VTI1B: variants seen among roughly 807,000 people sequenced by gnomAD.
VTI1B encodes the protein vesicle transport through interaction with t-SNAREs 1B.
In VTI1B, 18 loss-of-function variants were observed where a neutral mutation model predicts 28.6. The observed-to-expected ratio is 0.63, with a 90% CI of 0.43 to 0.93. VTI1B has a LOEUF of 0.93. VTI1B is among the 40% of genes least tolerant of loss of function. The pLI is 0.00. For missense variants in VTI1B, 283 were observed against 297.0 expected (o/e 0.95, Z 0.35); for synonymous variants, 100 against 107.9 (o/e 0.93, Z 0.46).
chr14:67,670,781 C>A (rs565593237), intron 1 of VTI1B, among the ~76,000 whole-genome samples: 6 of 152,230 alleles, frequency 3.9e-5, no homozygotes, highest in African/African-American at 1.4e-4. Context: ...CCGCCTAGGC[C>A]TCCCAAAGTG....
At chr14:67,661,865 C>T (rs1409975710) in intron 2 of VTI1B, among the ~76,000 whole-genome samples, 1 of 152,132 alleles carries the variant, frequency 6.6e-6, no homozygotes, top group Non-Finnish European at 1.5e-5. Context: ...CTCTTAAAAA[C>T]AGATTTTAGG....
In VTI1B at chr14:67,674,562, C is replaced by G; in HGVS notation, c.-73G>C. Reference sequence around the variant, plus strand: ...GCCCTTTCCTAGCCCGGCGGTCAGCCGCCCAGCCCAGTGGCCATAACGGCG... The same window carrying G: ...GCCCTTTCCTAGCCCGGCGGTCAGCGGCCCAGCCCAGTGGCCATAACGGCG... On this transcript the variant is annotated 5_prime_UTR_variant, in exon 1 of 6. Transcript: ENST00000554659. The G allele has an allele frequency of 7.3e-7, 1 of 1,373,138 alleles. No individual in the cohort carries two copies. The highest frequency in any genetic ancestry group is 9.6e-7 in the Non-Finnish European group (1 of 1,037,272). The allele number at this position is 1,373,138 out of a possible 1,614,324, so 85.1% of individuals were successfully genotyped here.
At position 67,648,324 on chromosome 14, in the gene VTI1B, G is replaced by C. The variant is rs35508499; in HGVS notation, c.*3061C>G. On this transcript the variant is annotated 3_prime_UTR_variant, in exon 6 of 6. Transcript: ENST00000554659. Reference sequence around the variant, plus strand: ...AAACTTTTGTAGCTAAAAATTATATGGCCATGCTAATAAAAAGGATATAGT... The same window carrying C: ...AAACTTTTGTAGCTAAAAATTATATCGCCATGCTAATAAAAAGGATATAGT... 4,753 of 907,926 alleles carry C rather than the reference G, an allele frequency of 5.2e-3. 35 individuals are homozygous for C. The highest frequency in any genetic ancestry group is 5.7e-3 in the Non-Finnish European group (3,585 of 626,658). 56.2% of individuals were successfully genotyped at this position (907,926 alleles called of 1,614,324 possible).
At chr14:67,657,398 G>A (rs970814189) in intron 3 of VTI1B, among the ~76,000 whole-genome samples, 1 of 152,044 alleles carries the variant, frequency 6.6e-6, no homozygotes, top group Non-Finnish European at 1.5e-5. Context: ...TAGTATCTGG[G>A]GCTTGAGCAA....
chr14:67,665,066 C>T (rs1023364041), intron 1 of VTI1B, among the ~76,000 whole-genome samples: 1 of 152,088 alleles, frequency 6.6e-6, no homozygotes, highest in African/African-American at 2.4e-5. Flanking sequence ...GGGGTTTAAC[C>T]ATGTTGGCCA....
intron 4 of VTI1B, 37 bp downstream of exon 4, chr14:67,656,379 C>T (rs2037257952): frequency 6.6e-7 from 1 of 1,526,146 alleles, no homozygotes; most frequent in South Asian, 1.3e-5. Flanking sequence ...CCCTAATTAC[C>T]CCATACTTGC....
At chr14:67,655,310 G>C (rs1594834711) in intron 4 of VTI1B, among the ~76,000 whole-genome samples, 1 of 151,992 alleles carries the variant, frequency 6.6e-6, no homozygotes, top group African/African-American at 2.4e-5. Flanking sequence ...CTGGGTGACA[G>C]AGCAAGACCC....
chr14:67,669,270 AT>A (rs33972864), intron 1 of VTI1B, among the ~76,000 whole-genome samples: 38,843 of 139,734 alleles, frequency 0.28, 5,586 homozygotes, highest in African/African-American at 0.46. Flanking sequence ...CTTCTTCATA[AT>A]TTTTTTTTTT....
In VTI1B at chr14:67,651,151, T is replaced by A; in HGVS notation, c.*234A>T. On this transcript the variant is annotated 3_prime_UTR_variant, in exon 6 of 6. Coordinates refer to ENST00000554659, the MANE Select transcript of VTI1B (RefSeq NM_006370.3). Reference sequence around the variant, plus strand: ...AATATGCTACAGTACTATGTAAATTTAAAGAAGTCATAAACAGCATTTATT... The same window carrying A: ...AATATGCTACAGTACTATGTAAATTAAAAGAAGTCATAAACAGCATTTATT... The A allele has an allele frequency of 2.1e-6, 2 of 954,704 alleles. No individual in the cohort carries two copies. Among genetic ancestry groups the A allele is most frequent in the Non-Finnish European group, 3.0e-6 (2 of 659,822 alleles). The allele number at this position is 954,704 out of a possible 1,614,324, so 59.1% of individuals were successfully genotyped here.
chr14:67,659,060 T>G (rs1401916426), intron 3 of VTI1B, among the ~76,000 whole-genome samples: 1 of 152,242 alleles, frequency 6.6e-6, no homozygotes, highest in Non-Finnish European at 1.5e-5. Context: ...TTCAGACGTT[T>G]TATTCCTTTA....
chr14:67,650,083 C>A lies in VTI1B; in HGVS notation c.*1302G>T, dbSNP rs2037152369. On this transcript the variant is annotated 3_prime_UTR_variant, in exon 6 of 6. Coordinates refer to ENST00000554659, the MANE Select transcript of VTI1B (RefSeq NM_006370.3). The stretch of plus-strand genomic sequence containing the variant: ...AATAATTAACATATGGCTGAATTTT[C>A]TCTTGATCAAGTACAAGACACTGGG... The A allele has an allele frequency of 6.6e-6, 1 of 152,310 alleles. No individual in the cohort carries two copies. Among genetic ancestry groups the A allele is most frequent in the African/African-American group, 2.4e-5 (1 of 41,410 alleles). 9.4% of individuals were successfully genotyped at this position (152,310 alleles called of 1,614,324 possible). A position where few individuals can be genotyped will look rare whatever the true frequency, so the allele number is the denominator to read the frequency against.
At chr14:67,671,479 T>C (rs1390049013) in intron 1 of VTI1B, among the ~76,000 whole-genome samples, 2 of 151,960 alleles carry the variant, frequency 1.3e-5, no homozygotes, top group East Asian at 1.9e-4. Flanking sequence ...TGAGCTGAGA[T>C]TGTACCACTG....
chr14:67,662,974 C>A lies in VTI1B; in HGVS notation c.116-439G>T, dbSNP rs966461407. On this transcript the variant is annotated intron_variant, in intron 1 of 5. Coordinates refer to ENST00000554659, the MANE Select transcript of VTI1B (RefSeq NM_006370.3). ...AACCCCTCACCACTCCCACAGTGAA[C>A]CACTTCTATGTTAACTCGTACACTA... The A allele has an allele frequency of 4.5e-5, 61 of 1,350,498 alleles. No individual in the cohort carries two copies. In the Admixed American group the frequency reaches 1.2e-3, roughly 27 times the overall value. 83.7% of individuals were successfully genotyped at this position (1,350,498 alleles called of 1,614,324 possible).
In VTI1B at chr14:67,649,723, A is replaced by G. The variant is rs1271182680; in HGVS notation, c.*1662T>C. The G allele has an allele frequency of 2.0e-5, 3 of 152,188 alleles. No individual in the cohort carries two copies. The highest frequency in any genetic ancestry group is 4.4e-5 in the Non-Finnish European group (3 of 68,028). The allele number at this position is 152,188 out of a possible 1,614,324, so 9.4% of individuals were successfully genotyped here. On this transcript the variant is annotated 3_prime_UTR_variant, in exon 6 of 6. Coordinates refer to ENST00000554659, the MANE Select transcript of VTI1B (RefSeq NM_006370.3). Reference sequence around the variant, plus strand: ...TAAGGGAAGATGCTGAACGGACATGATGGCATTCAGCACATCATGTACTAT... The same window carrying G: ...TAAGGGAAGATGCTGAACGGACATGGTGGCATTCAGCACATCATGTACTAT...
chr14:67,650,981 G>GA lies in VTI1B; in HGVS notation c.*403dup. The GA allele has an allele frequency of 6.7e-7, 1 of 1,495,226 alleles. No individual in the cohort carries two copies. Among genetic ancestry groups the GA allele is most frequent in the African/African-American group, 1.4e-5 (1 of 72,780 alleles). The allele number at this position is 1,495,226 out of a possible 1,614,324, so 92.6% of individuals were successfully genotyped here. ...TTCCAGAATTATGAGGCATTGAGGGGATAGATGAATACTAAATGGTTGTCT... is the reference window on the plus strand; with the variant it reads ...TTCCAGAATTATGAGGCATTGAGGGGAATAGATGAATACTAAATGGTTGTCT... On this transcript the variant is annotated 3_prime_UTR_variant, in exon 6 of 6. Transcript: ENST00000554659.
rs113387865 is a variant in VTI1B at position 67,674,580 on chromosome 14, T to C, written c.-91A>G. On this transcript the variant is annotated 5_prime_UTR_variant, in exon 1 of 6. The change abolishes an upstream ATG in the 5' untranslated region. Coordinates refer to ENST00000554659, the MANE Select transcript of VTI1B (RefSeq NM_006370.3). ...GGTCAGCCGCCCAGCCCAGTGGCCA[T>C]AACGGCGACCGCCGCACCACCGCCG... The C allele has an allele frequency of 9.1e-7, 1 of 1,098,566 alleles. No homozygotes were observed. Among genetic ancestry groups the C allele is most frequent in the Non-Finnish European group, 1.2e-6 (1 of 821,784 alleles). The allele number at this position is 1,098,566 out of a possible 1,614,324, so 68.1% of individuals were successfully genotyped here.
intron 1 of VTI1B, among the ~76,000 whole-genome samples, chr14:67,664,783 C>A (rs2037380130): frequency 6.6e-6 from 1 of 152,148 alleles, no homozygotes. Context: ...ACAGATGAGC[C>A]GGGCTTATGG....
At chr14:67,661,887 G>C (rs1274650034) in intron 2 of VTI1B, among the ~76,000 whole-genome samples, 1 of 152,150 alleles carries the variant, frequency 6.6e-6, no homozygotes, top group African/African-American at 2.4e-5. Flanking sequence ...CAGGCACGGT[G>C]GCTCATGCCT....
At chr14:67,669,977 C>T (rs2037446413) in intron 1 of VTI1B, among the ~76,000 whole-genome samples, 1 of 152,168 alleles carries the variant, frequency 6.6e-6, no homozygotes, top group African/African-American at 2.4e-5. Flanking sequence ...CACCTGTGGT[C>T]CCAGCTACTC....
Sources: allele counts gnomAD v4.1 joint callset (sites outside exome capture counted in the v4.1 genomes callset), GRCh38; gene constraint gnomAD v4.1.1; transcripts MANE v1.5; gene names NCBI Gene and HGNC (gene_info 2026-07-23, HGNC 2026-07-21).